Variants in AGAP3 observed in about 807,000 individuals in gnomAD.
AGAP3 encodes ArfGAP with GTPase domain, ankyrin repeat and PH domain 3.
Under a neutral mutation model 96.9 loss-of-function variants are expected in AGAP3, and 24 were observed. The observed-to-expected ratio is 0.25, with a 90% CI of 0.18 to 0.35. The LOEUF (loss-of-function observed/expected upper bound fraction) is 0.35, where lower values mean the gene tolerates loss of function less well. AGAP3 is among the 10% of genes least tolerant of loss of function. The pLI is 1.00. For synonymous variants in AGAP3, 563 were observed against 536.1 expected (o/e 1.05, Z -0.69); for missense variants, 876 against 1,254.2 (o/e 0.70, Z 4.55).
chr7:151,115,522 C>T (rs1238276230), intron 1 of AGAP3: 2 of 1,046,832 alleles, frequency 1.9e-6, no homozygotes, highest in Non-Finnish European at 1.1e-6. Context: ...CGCCCCCGCA[C>T]CGCCGCCGGC....
chr7:151,096,401 CTGT>C lies in AGAP3; in HGVS notation c.331+9334_331+9336del, dbSNP rs1208079883. On this transcript the variant is annotated intron_variant, in intron 1 of 17. Transcript: ENST00000397238. This position sits in a 1 kb window ranked among gnomAD's most constrained non-coding sequence, Gnocchi z 4.4. Reference sequence around the variant, plus strand: ...CCCAGGGTCATCTTTGATGTTTTGCCTGTTGTTTTTTTCTCTGATTCAGCACTG... The same window carrying C: ...CCCAGGGTCATCTTTGATGTTTTGCCTGTTTTTTTCTCTGATTCAGCACTG... Among the ~76,000 whole-genome samples the C allele has an allele frequency of 6.6e-6, 1 of 152,140 alleles. No individual in the cohort carries two copies. The highest frequency in any genetic ancestry group is 2.4e-5 in the African/African-American group (1 of 41,440).
chr7:151,100,257 C>T (rs1179560658), intron 1 of AGAP3, among the ~76,000 whole-genome samples: 1 of 152,210 alleles, frequency 6.6e-6, no homozygotes, highest in Non-Finnish European at 1.5e-5. Context: ...ACCCATGTTA[C>T]TAGATTCTCA....
chr7:151,122,786 A>G, intron 8 of AGAP3: 1 of 1,613,826 alleles, frequency 6.2e-7, no homozygotes, highest in Non-Finnish European at 8.5e-7. Context: ...CTTCCAAATT[A>G]GAAGACCAGT....
rs1323766475 is a variant in AGAP3, at chr7:151,141,031, G to T, written c.1805-867G>T. 1.3e-5 allele frequency: 2 copies of T among 152,280 alleles called. No homozygotes were observed. The highest frequency in any genetic ancestry group is 2.9e-5 in the Non-Finnish European group (2 of 68,136). The allele number at this position is 152,280 out of a possible 1,614,324, so 9.4% of individuals were successfully genotyped here. On this transcript the variant is annotated intron_variant, in intron 13 of 17. Transcript: ENST00000397238. This position sits in a 1 kb window ranked among gnomAD's most constrained non-coding sequence, Gnocchi z 4.2. ...AGGTGAGGCTGCCTGGGGCCAAGAT[G>T]CAGTGAGGACTTACAAGCAGAGATG... is the stretch of plus-strand genomic sequence containing the variant.
chr7:151,111,682 G>A (rs1230863542), intron 1 of AGAP3, among the ~76,000 whole-genome samples: 1 of 152,156 alleles, frequency 6.6e-6, no homozygotes, highest in Admixed American at 6.5e-5. Flanking sequence ...CATCCAGGTA[G>A]TCCACAGAAG....
At position 151,114,684 on chromosome 7, in the gene AGAP3, G is replaced by A; in HGVS notation, c.332-2109G>A. 2.0e-6 allele frequency: 2 copies of A among 991,294 alleles called. No homozygotes were observed. Among genetic ancestry groups the A allele is most frequent in the Non-Finnish European group, 2.4e-6 (2 of 833,512 alleles). 61.4% of individuals were successfully genotyped at this position (991,294 alleles called of 1,614,324 possible). A position where few individuals can be genotyped will look rare whatever the true frequency, so the allele number is the denominator to read the frequency against. Reference sequence around the variant, plus strand: ...CCACACCAGGTGCCCAGAGGCCGGAGGTCCGTGCGCCCCGGCCGCGGCCCC... The same window carrying A: ...CCACACCAGGTGCCCAGAGGCCGGAAGTCCGTGCGCCCCGGCCGCGGCCCC... On this transcript the variant is annotated intron_variant, in intron 1 of 17. Transcript: ENST00000397238. The surrounding 1 kb of genome is among the most constrained non-coding windows in gnomAD (Gnocchi z 4.4).
chr7:151,119,912 G>A lies in AGAP3; in HGVS notation c.970-75G>A, dbSNP rs145917984. The A allele has an allele frequency of 4.1e-4, 610 of 1,501,066 alleles. 3 individuals carry two copies. The African/African-American group carries it at 7.6e-3, about 19-fold the overall frequency. The allele number at this position is 1,501,066 out of a possible 1,614,324, so 93.0% of individuals were successfully genotyped here. On this transcript the variant is annotated intron_variant, in intron 7 of 17. Coordinates refer to ENST00000397238, the MANE Select transcript of AGAP3 (RefSeq NM_031946.7). Reference sequence around the variant, plus strand: ...CCCGGCCAGGCCCCCATTAGCACAGGGATTCCCGGCACCCGCCTGGTGCCC... The same window carrying A: ...CCCGGCCAGGCCCCCATTAGCACAGAGATTCCCGGCACCCGCCTGGTGCCC...
chr7:151,109,352 C>A (rs958316347), intron 1 of AGAP3, among the ~76,000 whole-genome samples: 1 of 152,112 alleles, frequency 6.6e-6, no homozygotes, highest in African/African-American at 2.4e-5. Context: ...GTCTCAAAAA[C>A]CAAAAAGTTT....
At position 151,117,619 on chromosome 7, in the gene AGAP3, T is replaced by C. The variant is rs748156053; in HGVS notation, c.565-17T>C. The C allele has an allele frequency of 6.2e-7, 1 of 1,613,676 alleles. No individual in the cohort carries two copies. Among genetic ancestry groups the C allele is most frequent in the Non-Finnish European group, 8.5e-7 (1 of 1,179,668 alleles). ...CAGGTCCAGTTGCGGGTGCTAATTT[T>C]ACTTGCTCTACCCTAGTTTGCTGCC... On this transcript the variant is annotated splice_polypyrimidine_tract_variant and intron_variant, in intron 4 of 17. Coordinates refer to ENST00000397238, the MANE Select transcript of AGAP3 (RefSeq NM_031946.7).
intron 10 of AGAP3, among the ~76,000 whole-genome samples, chr7:151,132,251 AGT>A (rs1800431500): frequency 6.6e-6 from 1 of 152,198 alleles, no homozygotes; most frequent in Non-Finnish European, 1.5e-5. Context: ...TTCTCCGCCA[AGT>A]GTGGGCCGAG....
chr7:151,123,969 T>C, intron 9 of AGAP3, 83 bp downstream of exon 9: 1 of 1,372,746 alleles, frequency 7.3e-7, no homozygotes, highest in Non-Finnish European at 1.0e-6. Context: ...TTCTCAGGCC[T>C]CTGTGATGGG....
chr7:151,141,856 C>T lies in AGAP3; in HGVS notation c.1805-42C>T, dbSNP rs752211923. On this transcript the variant is annotated intron_variant, in intron 13 of 17. Coordinates refer to ENST00000397238, the MANE Select transcript of AGAP3 (RefSeq NM_031946.7). This position sits in a 1 kb window ranked among gnomAD's most constrained non-coding sequence, Gnocchi z 4.2. ...GGCGATAGCATGCCCTGGGTGTGCA[C>T]GCAGGCCAGGAGCCCTGATGGCATA... The T allele has an allele frequency of 6.2e-6, 10 of 1,613,246 alleles. No individual in the cohort carries two copies. The highest frequency in any genetic ancestry group is 1.1e-5 in the South Asian group (1 of 91,036).
chr7:151,120,708 C>CA, intron 8 of AGAP3: 1 of 1,229,534 alleles, frequency 8.1e-7, no homozygotes, highest in Non-Finnish European at 1.0e-6. Context: ...GCCATCTTTT[C>CA]CTGGGCTTCA....
rs116821337 is a variant in AGAP3, at chr7:151,102,104, C to T, written c.332-14689C>T. Among the ~76,000 whole-genome samples the T allele has an allele frequency of 4.9e-3, 748 of 152,250 alleles. 4 individuals carry two copies. The highest frequency in any genetic ancestry group is 0.015 in the African/African-American group (633 of 41,544). On this transcript the variant is annotated intron_variant, in intron 1 of 17. Coordinates refer to ENST00000397238, the MANE Select transcript of AGAP3 (RefSeq NM_031946.7). The stretch of plus-strand genomic sequence containing the variant: ...CAGTCCCTTTGCTCTGAGTGGGAGA[C>T]GGGCCTGGCACCAAGGGAAAATCAG...
At chr7:151,113,913 C>T (rs1345840057) in intron 1 of AGAP3, among the ~76,000 whole-genome samples, 5 of 152,120 alleles carry the variant, frequency 3.3e-5, no homozygotes, top group Non-Finnish European at 7.4e-5. Flanking sequence ...GGAGCCAGTA[C>T]CGCAGGCTAC....
chr7:151,097,358 CG>C (rs1179657981), intron 1 of AGAP3, among the ~76,000 whole-genome samples: 43 of 151,412 alleles, frequency 2.8e-4, no homozygotes, highest in South Asian at 2.3e-3. Flanking sequence ...TGGTGAAACC[CG>C]GCCTCTACTA....
chr7:151,096,504 G>A lies in AGAP3; in HGVS notation c.331+9432G>A, dbSNP rs139792108. On this transcript the variant is annotated intron_variant, in intron 1 of 17. Transcript: ENST00000397238. The surrounding 1 kb of genome is among the most constrained non-coding windows in gnomAD (Gnocchi z 4.4). Reference sequence around the variant, plus strand: ...TTTTTTTTTTTTGAGGTGGAGTCTCGCTCTGTCGCCCAGGCTGGAGTGCAG... The same window carrying A: ...TTTTTTTTTTTTGAGGTGGAGTCTCACTCTGTCGCCCAGGCTGGAGTGCAG... Among the ~76,000 whole-genome samples, 1,525 of 150,392 alleles carry A rather than the reference G, an allele frequency of 0.01. 28 individuals are homozygous for A. The highest frequency in any genetic ancestry group is 0.034 in the African/African-American group (1,402 of 40,842).
chr7:151,128,735 G>A (rs756758996), intron 10 of AGAP3, 51 bp downstream of exon 10: 2 of 1,488,804 alleles, frequency 1.3e-6, no homozygotes, highest in Non-Finnish European at 1.9e-6. Flanking sequence ...GGGGGTGGAG[G>A]GAGGATAACA....
rs866639466 is a variant in AGAP3, at chr7:151,114,363, T to G, written c.332-2430T>G. On this transcript the variant is annotated intron_variant, in intron 1 of 17. Transcript: ENST00000397238. This position sits in a 1 kb window ranked among gnomAD's most constrained non-coding sequence, Gnocchi z 4.4. ...TGAAGAATGAGAAATGGCCCGCTTT[T>G]CTCCAAAATGGGGCCCAGTGTGTGG... Among the ~76,000 whole-genome samples, 1 of 152,214 alleles carries G rather than the reference T, an allele frequency of 6.6e-6. No homozygotes were observed. Among genetic ancestry groups the G allele is most frequent in the African/African-American group, 2.4e-5 (1 of 41,452 alleles).
Sources: gnomAD v4.1 joint callset for allele counts (sites outside exome capture counted in the v4.1 genomes callset) on GRCh38, gnomAD v4.1.1 for gene constraint, Gnocchi (gnomAD v3.1) non-coding constraint, MANE v1.5 for transcripts, NCBI Gene and HGNC (gene_info 2026-07-23, HGNC 2026-07-21) for gene names.